The following CCDC3 variants were observed in gnomAD, a reference collection of about 807,000 sequenced individuals.
CCDC3 encodes the protein coiled-coil domain-containing protein 3.
CCDC3 carries 24 observed loss-of-function variants against 21.4 expected under a neutral mutation model. The observed-to-expected ratio is 1.12, with a 90% CI of 0.81 to 1.58. The LOEUF is 1.58. CCDC3 is among the 40% of genes most tolerant of loss of function. The pLI is 0.00. For synonymous variants in CCDC3, 186 were observed against 166.0 expected (o/e 1.12, Z -0.93); for missense variants, 425 against 360.9 (o/e 1.18, Z -1.44).
intron 2 of CCDC3, among the ~76,000 whole-genome samples, chr10:12,989,009 A>G (rs144487517): frequency 2.1e-3 from 314 of 152,266 alleles, no homozygotes; most frequent in African/African-American, 7.2e-3. Context: ...AGCTTTCTGA[A>G]AACAGTATAT....
chr10:13,033,453 A>G (rs986515716), intron 5 of CCDC3, among the ~76,000 whole-genome samples: 4 of 152,224 alleles, frequency 2.6e-5, no homozygotes, highest in Admixed American at 2.6e-4. Context: ...TGTCTAAAAC[A>G]CCAAAAGCAA....
At chr10:12,983,283 T>G (rs1287436856) in intron 2 of CCDC3, among the ~76,000 whole-genome samples, 1 of 150,354 alleles carries the variant, frequency 6.7e-6, no homozygotes, top group Non-Finnish European at 1.5e-5. Context: ...AAAGAAGAAT[T>G]TGAAAACAGC....
At chr10:12,996,241 A>C (rs1214091369) in intron 2 of CCDC3, among the ~76,000 whole-genome samples, 1 of 152,212 alleles carries the variant, frequency 6.6e-6, no homozygotes, top group Admixed American at 6.5e-5. Flanking sequence ...GGAGCAAACT[A>C]CATGAGAAGC....
intron 2 of CCDC3, among the ~76,000 whole-genome samples, chr10:12,953,790 G>GAA (rs1835043549): frequency 1.3e-5 from 2 of 152,304 alleles, no homozygotes; most frequent in South Asian, 4.1e-4. Context: ...GTAGGGAGAA[G>GAA]AAGAGAACAA....
rs1434171000 is a variant in CCDC3, at chr10:13,087,789, AT to A, written c.-503+10735del. 1.2e-4 allele frequency among the ~76,000 whole-genome samples: 19 copies of A among 152,248 alleles called. No individual in the cohort carries two copies. The East Asian group carries it at 2.7e-3, about 22-fold the overall frequency. On this transcript the variant is annotated intron_variant, in intron 3 of 6. Coordinates refer to the CCDC3 transcript ENST00000378839. ...GAGAAGCCATAGCCGCCGCTTTCCT[AT>A]GTACTCTGCAATGGGCTGGAATGCT...
intron 2 of CCDC3, among the ~76,000 whole-genome samples, chr10:12,960,302 G>A (rs1042571346): frequency 3.9e-5 from 6 of 152,150 alleles, no homozygotes; most frequent in Non-Finnish European, 1.5e-5. Flanking sequence ...CAGAACTCTG[G>A]AGTCATTATT....
At chr10:13,074,591 C>T (rs570478490) in intron 3 of CCDC3, among the ~76,000 whole-genome samples, 1 of 151,956 alleles carries the variant, frequency 6.6e-6, no homozygotes, top group South Asian at 2.1e-4. Flanking sequence ...TCTCCCACTC[C>T]CTCAGCTTTT....
intron 5 of CCDC3, among the ~76,000 whole-genome samples, chr10:13,015,531 T>TA (rs1725058900): frequency 6.6e-6 from 1 of 152,104 alleles, no homozygotes; most frequent in Non-Finnish European, 1.5e-5. Context: ...ATGCAGCCCT[T>TA]ACGACTGCCT....
chr10:13,079,488 AG>A (rs1470045082), intron 3 of CCDC3, among the ~76,000 whole-genome samples: 1 of 152,110 alleles, frequency 6.6e-6, no homozygotes, highest in African/African-American at 2.4e-5. Flanking sequence ...GGGGCCATAA[AG>A]CATTCCTTGG....
At chr10:13,086,587 C>T (rs1018691027) in intron 3 of CCDC3, among the ~76,000 whole-genome samples, 1 of 152,216 alleles carries the variant, frequency 6.6e-6, no homozygotes, top group African/African-American at 2.4e-5. Flanking sequence ...GCTGGGATTA[C>T]AGGCACATGC....
At chr10:13,026,158 T>A (rs1304063133) in intron 5 of CCDC3, among the ~76,000 whole-genome samples, 1 of 152,134 alleles carries the variant, frequency 6.6e-6, no homozygotes, top group Non-Finnish European at 1.5e-5. Flanking sequence ...CCAGCCTGTG[T>A]GACAAAATGA....
chr10:13,021,232 G>C (rs990109631), intron 5 of CCDC3, among the ~76,000 whole-genome samples: 2 of 152,160 alleles, frequency 1.3e-5, no homozygotes, highest in Non-Finnish European at 2.9e-5. Flanking sequence ...TATACTTCTG[G>C]GGCAACTTTT....
At chr10:12,930,839 G>T (rs1834627838) in intron 2 of CCDC3, among the ~76,000 whole-genome samples, 1 of 152,152 alleles carries the variant, frequency 6.6e-6, no homozygotes, top group Non-Finnish European at 1.5e-5. Flanking sequence ...AGGGTACCTG[G>T]AGCATAGAGC....
intron 5 of CCDC3, among the ~76,000 whole-genome samples, chr10:13,046,707 CAAAA>C (rs35466054): frequency 5.1e-5 from 7 of 138,046 alleles, no homozygotes; most frequent in Non-Finnish European, 6.2e-5. Flanking sequence ...AACTCCGTCT[CAAAA>C]AAAAAAAAAA....
chr10:13,080,262 T>A (rs1357381094), intron 3 of CCDC3, among the ~76,000 whole-genome samples: 1 of 152,068 alleles, frequency 6.6e-6, no homozygotes, highest in Non-Finnish European at 1.5e-5. Flanking sequence ...AGTGACAGAC[T>A]GGAAGAGACA....
At chr10:13,024,167 C>T (rs1836185783) in intron 5 of CCDC3, among the ~76,000 whole-genome samples, 1 of 152,102 alleles carries the variant, frequency 6.6e-6, no homozygotes, top group South Asian at 2.1e-4. Context: ...CTTACTTCCT[C>T]CCCATAGAAG....
intron 4 of CCDC3, among the ~76,000 whole-genome samples, chr10:13,063,674 C>T (rs923848724): frequency 6.6e-6 from 1 of 152,176 alleles, no homozygotes; most frequent in Non-Finnish European, 1.5e-5. Context: ...AGATGTACCA[C>T]CTCTCTACAA....
At chr10:12,976,776 T>C (rs1226305168) in intron 2 of CCDC3, among the ~76,000 whole-genome samples, 1 of 152,180 alleles carries the variant, frequency 6.6e-6, no homozygotes, top group African/African-American at 2.4e-5. Flanking sequence ...ACTACAGTGG[T>C]GGGTACCTGT....
chr10:13,030,574 A>G (rs1836285916), intron 5 of CCDC3, among the ~76,000 whole-genome samples: 1 of 152,200 alleles, frequency 6.6e-6, no homozygotes, highest in African/African-American at 2.4e-5. Context: ...AAGACCCATC[A>G]GTGTGCTGGA....
Sources: gnomAD v4.1 joint callset for allele counts (sites outside exome capture counted in the v4.1 genomes callset) on GRCh38, gnomAD v4.1.1 for gene constraint, MANE v1.5 for transcripts, NCBI Gene and HGNC (gene_info 2026-07-23, HGNC 2026-07-21) for gene names.